The following RAP1GDS1 variants were observed in gnomAD, a reference collection of about 807,000 sequenced individuals.
The protein encoded by RAP1GDS1 is Rap1 GTPase-GDP dissociation stimulator 1, also known as RAP1, GTP-GDP dissociation stimulator 1.
RAP1GDS1 carries 35 observed loss-of-function variants against 71.1 expected under a neutral mutation model. The observed-to-expected ratio is 0.49, with a 90% CI of 0.38 to 0.65. The LOEUF is 0.65. Ranked by LOEUF, RAP1GDS1 falls within the 30% of genes least tolerant of loss-of-function variation. The pLI is 0.00. For missense variants in RAP1GDS1, 663 were observed against 706.1 expected, an observed-to-expected ratio of 0.94 and a Z score of 0.69; for synonymous variants, 229 against 243.1, an observed-to-expected ratio of 0.94 and a Z score of 0.54.
At chr4:98,316,993 C>G (rs1356648483) in intron 2 of RAP1GDS1, among the ~76,000 whole-genome samples, 1 of 152,108 alleles carries the variant, frequency 6.6e-6, no homozygotes, top group Non-Finnish European at 1.5e-5. Flanking sequence ...TTCCCAGTTG[C>G]TTTGCTCTGT....
intron 12 of RAP1GDS1, among the ~76,000 whole-genome samples, chr4:98,431,197 T>C (rs1750354082): frequency 6.6e-6 from 1 of 152,216 alleles, no homozygotes; most frequent in South Asian, 2.1e-4. Flanking sequence ...ATTTGCTCAT[T>C]CATCCAACAA....
chr4:98,290,920 G>T, intron 1 of RAP1GDS1, among the ~76,000 whole-genome samples: 1 of 152,106 alleles, frequency 6.6e-6, no homozygotes, highest in Middle Eastern at 3.2e-3. Flanking sequence ...AAGAGGCTCT[G>T]TGCACAACTG....
intron 3 of RAP1GDS1, among the ~76,000 whole-genome samples, chr4:98,350,377 T>C (rs1198295599): frequency 6.6e-6 from 1 of 152,176 alleles, no homozygotes; most frequent in Non-Finnish European, 1.5e-5. Context: ...AATGAACATC[T>C]GTGTTTAATA....
intron 2 of RAP1GDS1, among the ~76,000 whole-genome samples, chr4:98,311,062 T>C (rs957538605): frequency 6.6e-6 from 1 of 152,172 alleles, no homozygotes; most frequent in African/African-American, 2.4e-5. Flanking sequence ...GGGGTGGGGC[T>C]CAGGAATTTG....
chr4:98,431,772 T>C lies in RAP1GDS1; in HGVS notation c.1441-2164T>C, dbSNP rs577032708. 2.6e-5 allele frequency among the ~76,000 whole-genome samples: 4 copies of C among 152,332 alleles called. No homozygotes were observed. The South Asian group carries it at 6.2e-4, about 24-fold the overall frequency. On this transcript the variant is annotated intron_variant, in intron 12 of 14. Transcript: ENST00000408927. ...GCTACTCAGTACAATGTCCAGCTTATAGTTATTGCTCCATAAAGGGTTGCC... is the reference window on the plus strand; with the variant it reads ...GCTACTCAGTACAATGTCCAGCTTACAGTTATTGCTCCATAAAGGGTTGCC...
rs940448511 is a variant in RAP1GDS1 at position 98,360,220 on chromosome 4, A to G, written c.361+7619A>G. Among the ~76,000 whole-genome samples the G allele has an allele frequency of 3.9e-5, 6 of 152,276 alleles. No individual in the cohort carries two copies. In the Middle Eastern group the frequency reaches 0.014, roughly 345 times the overall value. On this transcript the variant is annotated intron_variant, in intron 4 of 14. Transcript: ENST00000408927. ...TGTCTTAGGGAAGACATGAAATAGTAATTTCGAGTAATTGTTCTTAATTTT... is the reference window on the plus strand; with the variant it reads ...TGTCTTAGGGAAGACATGAAATAGTGATTTCGAGTAATTGTTCTTAATTTT...
chr4:98,412,638 G>A (rs1747238668), intron 7 of RAP1GDS1, among the ~76,000 whole-genome samples: 1 of 152,178 alleles, frequency 6.6e-6, no homozygotes, highest in South Asian at 2.1e-4. Flanking sequence ...ACAAAGATGA[G>A]TAAGGTGTAT....
intron 2 of RAP1GDS1, among the ~76,000 whole-genome samples, chr4:98,298,303 A>G (rs549993290): frequency 6.6e-6 from 1 of 152,334 alleles, no homozygotes; most frequent in African/African-American, 2.4e-5. Flanking sequence ...GGCTGTGCTA[A>G]ACAACAGATT....
intron 6 of RAP1GDS1, among the ~76,000 whole-genome samples, chr4:98,403,816 T>A (rs1745761597): frequency 1.3e-5 from 2 of 152,140 alleles, no homozygotes; most frequent in Admixed American, 6.6e-5. Flanking sequence ...CCAAAACTAG[T>A]AGATTTAGTA....
rs1429393814 is a variant in RAP1GDS1 at position 98,343,253 on chromosome 4, C to A, written c.227C>A (p.Ala76Asp). 2 of 1,603,612 alleles carry A rather than the reference C, an allele frequency of 1.2e-6. No homozygotes were observed. Among genetic ancestry groups the A allele is most frequent in the Non-Finnish European group, 1.7e-6 (2 of 1,170,596 alleles). Residue 76 changes from alanine (A) to aspartate (D), a missense_variant, in exon 3 of 15, where the codon GCC (alanine) becomes GAC (aspartate). Physicochemically the swap from Ala to Asp is moderately radical, Grantham distance 126. Coordinates refer to ENST00000408927, the MANE Select transcript of RAP1GDS1 (RefSeq NM_001100427.2). ...GTAGCTAACATCATAGCAGAAGTAG[C>A]CAAAAATGGTGAGGTTTACCTCAAG... ...AKVANIIAEV[A>D]KNEFMRIPCV...
chr4:98,273,337 A>G (rs892909636), intron 1 of RAP1GDS1, among the ~76,000 whole-genome samples: 2 of 152,188 alleles, frequency 1.3e-5, no homozygotes. Context: ...GCAAATTTCA[A>G]CAATGCAAAA....
At chr4:98,406,098 T>C (rs1746074490) in intron 7 of RAP1GDS1, among the ~76,000 whole-genome samples, 5 of 152,030 alleles carry the variant, frequency 3.3e-5, no homozygotes, top group Admixed American at 3.3e-4. Context: ...AAGCGACTTA[T>C]GGAAAGGTTT....
At chr4:98,319,778 CAAA>C (rs35696332) in intron 2 of RAP1GDS1, among the ~76,000 whole-genome samples, 982 of 79,208 alleles carry the variant, frequency 0.012, 13 homozygotes, top group African/African-American at 0.039. Context: ...GAGAATGTCT[CAAA>C]AAAAAAAAAA....
In RAP1GDS1 at chr4:98,404,597, A is replaced by G; in HGVS notation, c.758A>G (p.Glu253Gly). 1.3e-6 allele frequency: 2 copies of G among 1,598,488 alleles called. No homozygotes were observed. Among genetic ancestry groups the G allele is most frequent in the Non-Finnish European group, 1.7e-6 (2 of 1,174,880 alleles). ...TTTGAAGTTCTTGCTCCATTGGCAG[A>G]AAATGGTGAGAAACTTAAATGCACC... ...MIFEVLAPLA[E>G]NDAIKLQLVE... Residue 253 changes from glutamate (E) to glycine (G), a missense_variant, in exon 7 of 15, where the codon GAA (glutamate) becomes GGA (glycine). Coordinates refer to ENST00000408927, the MANE Select transcript of RAP1GDS1 (RefSeq NM_001100427.2).
intron 14 of RAP1GDS1, 27 bp downstream of exon 14, chr4:98,437,095 C>A: frequency 6.4e-7 from 1 of 1,550,922 alleles, no homozygotes; most frequent in Non-Finnish European, 8.7e-7. Flanking sequence ...CATTTGATGT[C>A]CATAAACATA....
intron 2 of RAP1GDS1, among the ~76,000 whole-genome samples, chr4:98,308,230 G>T (rs1381267719): frequency 1.4e-5 from 2 of 144,574 alleles, no homozygotes; most frequent in Admixed American, 1.4e-4. Context: ...ATACATATAT[G>T]TGCATATATG....
At chr4:98,270,677 G>A (rs539624613) in intron 1 of RAP1GDS1, among the ~76,000 whole-genome samples, 13 of 152,144 alleles carry the variant, frequency 8.5e-5, no homozygotes, top group East Asian at 5.8e-4. Context: ...ACAGTTGACC[G>A]TTGAATAACA....
intron 4 of RAP1GDS1, among the ~76,000 whole-genome samples, chr4:98,371,971 A>G (rs1322219715): frequency 2.6e-5 from 4 of 152,138 alleles, no homozygotes; most frequent in African/African-American, 9.7e-5. Flanking sequence ...TATGTATTTA[A>G]TATGATCTTT....
intron 6 of RAP1GDS1, among the ~76,000 whole-genome samples, chr4:98,394,017 C>T (rs1166039607): frequency 2.0e-5 from 3 of 152,100 alleles, no homozygotes; most frequent in Admixed American, 2.0e-4. Context: ...TCTGTTAAGG[C>T]CCTCCCTTTT....
Sources: gnomAD v4.1 joint callset for allele counts (sites outside exome capture counted in the v4.1 genomes callset) on GRCh38, gnomAD v4.1.1 for gene constraint, MANE v1.5 for transcripts, NCBI Gene and HGNC (gene_info 2026-07-23, HGNC 2026-07-21) for gene names.